LHFPL3: variants seen among roughly 807,000 people sequenced by gnomAD.
LHFPL3 encodes LHFPL tetraspan subfamily member 3 protein.
In LHFPL3, 5 loss-of-function variants were observed where a neutral mutation model predicts 19.3. The ratio of observed to expected loss-of-function variants is 0.26; its 90% confidence interval spans 0.14 to 0.54. The LOEUF (loss-of-function observed/expected upper bound fraction) is 0.54, where lower values mean the gene tolerates loss of function less well. Among genes scored for constraint, LHFPL3 ranks in the 20% least tolerant of loss-of-function variants. The probability of loss-of-function intolerance (pLI) is 0.94; values close to 1 mark genes in which losing one functional copy is unlikely to be tolerated. For synonymous variants in LHFPL3, 133 were observed against 126.2 expected, an observed-to-expected ratio of 1.05 and a Z score of -0.36; for missense variants, 249 against 307.4, an observed-to-expected ratio of 0.81 and a Z score of 1.42.
At chr7:104,893,214 TAA>T (rs376542156) in intron 2 of LHFPL3, among the ~76,000 whole-genome samples, 14 of 137,408 alleles carry the variant, frequency 1.0e-4, no homozygotes, top group Non-Finnish European at 9.5e-5. Flanking sequence ...ACTCTGTCTC[TAA>T]AAAAAAAAAA....
chr7:104,818,092 T>C (rs888176380), intron 2 of LHFPL3, among the ~76,000 whole-genome samples: 2 of 152,098 alleles, frequency 1.3e-5, no homozygotes, highest in Non-Finnish European at 2.9e-5. Context: ...GCAAGAGAAG[T>C]AAGAGGAATC....
intron 1 of LHFPL3, among the ~76,000 whole-genome samples, chr7:104,494,180 T>C (rs1793412057): frequency 6.6e-6 from 1 of 152,210 alleles, no homozygotes; most frequent in Admixed American, 6.5e-5. Context: ...TAAAATTATA[T>C]TAACAATAGA....
chr7:104,804,156 T>A (rs144297935), intron 2 of LHFPL3: 1 of 152,354 alleles, frequency 6.6e-6, no homozygotes, highest in African/African-American at 2.4e-5. Context: ...CAAGAAAGTT[T>A]CCTTGCTCTT....
chr7:104,544,528 C>A (rs368631095), intron 1 of LHFPL3, among the ~76,000 whole-genome samples: 24 of 152,230 alleles, frequency 1.6e-4, no homozygotes, highest in African/African-American at 5.5e-4. Context: ...TAATCCCAAA[C>A]CTTGAAGTCA....
At chr7:104,436,007 T>C (rs551739555) in intron 1 of LHFPL3, among the ~76,000 whole-genome samples, 1 of 152,260 alleles carries the variant, frequency 6.6e-6, no homozygotes, top group Admixed American at 6.5e-5. Context: ...GTTTTGAGAA[T>C]TATAGTAGTA....
At chr7:104,650,370 C>T (rs963192158) in intron 1 of LHFPL3, among the ~76,000 whole-genome samples, 14 of 152,184 alleles carry the variant, frequency 9.2e-5, no homozygotes, top group Non-Finnish European at 1.6e-4. Flanking sequence ...ACTTAGCAGA[C>T]GACTCCCAGA....
chr7:104,668,224 A>G (rs1792398019), intron 1 of LHFPL3: 1 of 1,613,224 alleles, frequency 6.2e-7, no homozygotes, highest in South Asian at 1.1e-5. Context: ...CTCAATGAAG[A>G]GTCTCTAAGT....
chr7:104,486,236 C>T (rs903770918), intron 1 of LHFPL3, among the ~76,000 whole-genome samples: 2 of 152,208 alleles, frequency 1.3e-5, no homozygotes, highest in African/African-American at 4.8e-5. Flanking sequence ...AAAATGTTCT[C>T]TTATGAGCTT....
intron 1 of LHFPL3, among the ~76,000 whole-genome samples, chr7:104,430,431 T>TACAC (rs1562895258): frequency 6.4e-4 from 8 of 12,420 alleles, no homozygotes; most frequent in African/African-American, 1.3e-3. Flanking sequence ...TATATATATA[T>TACAC]ATATATATAT....
At chr7:104,639,042 G>A (rs1357989503) in intron 1 of LHFPL3, among the ~76,000 whole-genome samples, 2 of 152,010 alleles carry the variant, frequency 1.3e-5, no homozygotes, top group Admixed American at 6.6e-5. Context: ...TGGGATTACA[G>A]GCCCACCATG....
chr7:104,337,413 T>TA (rs2116357842), intron 1 of LHFPL3, among the ~76,000 whole-genome samples: 1 of 152,170 alleles, frequency 6.6e-6, no homozygotes, highest in African/African-American at 2.4e-5. Context: ...GAATATGTCA[T>TA]ATGGTGCAGA....
intron 1 of LHFPL3, among the ~76,000 whole-genome samples, chr7:104,398,526 C>A (rs752452909): frequency 1.3e-5 from 2 of 152,182 alleles, no homozygotes; most frequent in African/African-American, 2.4e-5. Context: ...AAAGCAATAA[C>A]TAACATTGTT....
chr7:104,644,810 C>T (rs982164437), intron 1 of LHFPL3, among the ~76,000 whole-genome samples: 1 of 152,090 alleles, frequency 6.6e-6, no homozygotes, highest in Non-Finnish European at 1.5e-5. Flanking sequence ...CCCTGCTGAA[C>T]GTAAGTATCA....
chr7:104,662,546 C>A (rs1421655986), intron 1 of LHFPL3, among the ~76,000 whole-genome samples: 1 of 152,194 alleles, frequency 6.6e-6, no homozygotes, highest in Non-Finnish European at 1.5e-5. Context: ...TCAGTCAAAT[C>A]TCTCTATAAC....
chr7:104,830,973 A>G (rs1790942129), intron 2 of LHFPL3, among the ~76,000 whole-genome samples: 1 of 151,844 alleles, frequency 6.6e-6, no homozygotes, highest in Non-Finnish European at 1.5e-5. Flanking sequence ...ATTGTTAATA[A>G]CACCCCCTTT....
chr7:104,611,393 A>G (rs1454773781), intron 1 of LHFPL3, among the ~76,000 whole-genome samples: 9 of 152,170 alleles, frequency 5.9e-5, no homozygotes, highest in African/African-American at 1.7e-4. Context: ...ATGCCAAGCA[A>G]TACAGGCCAC....
At chr7:104,608,850 C>A (rs1248439813) in intron 1 of LHFPL3, among the ~76,000 whole-genome samples, 1 of 152,122 alleles carries the variant, frequency 6.6e-6, no homozygotes, top group Non-Finnish European at 1.5e-5. Context: ...CCCCTCTGTG[C>A]CTCAGTCTTA....
Position 104,833,002 on chromosome 7 carries a change from A to ATATATATATATTATATATAATAGATATAT in LHFPL3, c.683-73173_683-73145dup, listed in dbSNP as rs1562807965. On this transcript the variant is annotated intron_variant, in intron 2 of 2. Transcript: ENST00000424859. The stretch of plus-strand genomic sequence containing the variant: ...TCCTGGGTTATAGGACATATATATT[A>ATATATATATATTATATATAATAGATATAT]TATATATATATTATATATAATAGAT... Among the ~76,000 whole-genome samples the ATATATATATATTATATATAATAGATATAT allele has an allele frequency of 3.2e-4, 14 of 44,116 alleles. 2 individuals are homozygous for ATATATATATATTATATATAATAGATATAT. Among genetic ancestry groups the ATATATATATATTATATATAATAGATATAT allele is most frequent in the East Asian group, 7.1e-4 (1 of 1,400 alleles). 28.9% of individuals were successfully genotyped at this position (44,116 alleles called of 152,430 possible).
intron 1 of LHFPL3, among the ~76,000 whole-genome samples, chr7:104,562,697 C>G (rs528444119): frequency 6.6e-6 from 1 of 152,140 alleles, no homozygotes; most frequent in East Asian, 1.9e-4. Flanking sequence ...AAGTCATTCT[C>G]CATCCAGCTT....
Sources: allele counts gnomAD v4.1 joint callset (sites outside exome capture counted in the v4.1 genomes callset), GRCh38; gene constraint gnomAD v4.1.1; transcripts MANE v1.5; gene names NCBI Gene and HGNC (gene_info 2026-07-23, HGNC 2026-07-21).